The following RYK variants were observed in gnomAD, a reference collection of about 807,000 sequenced individuals.
RYK encodes receptor like tyrosine kinase.
Under a neutral mutation model 70.2 loss-of-function variants are expected in RYK, and 21 were observed. The observed-to-expected ratio is 0.30, with a 90% confidence interval of 0.21 to 0.43. The LOEUF is 0.43. Ranked by LOEUF, RYK falls within the 20% of genes least tolerant of loss-of-function variation. The pLI is 1.00. For synonymous variants in RYK, 267 were observed against 278.0 expected (o/e 0.96, Z 0.39); for missense variants, 604 against 753.3 (o/e 0.80, Z 2.32).
At chr3:134,198,265 A>C (rs966964076) in intron 6 of RYK, among the ~76,000 whole-genome samples, 1 of 152,262 alleles carries the variant, frequency 6.6e-6, no homozygotes, top group Non-Finnish European at 1.5e-5. Context: ...CTTAGAATGA[A>C]GTCAGAACTT....
Position 134,242,000 on chromosome 3 carries a change from T to G in RYK, c.232+8423A>C, listed in dbSNP as rs576345694. 2.0e-4 allele frequency among the ~76,000 whole-genome samples: 31 copies of G among 152,238 alleles called. No individual in the cohort carries two copies. The South Asian group carries it at 6.2e-3, about 31-fold the overall frequency. On this transcript the variant is annotated intron_variant, in intron 1 of 14. Transcript: ENST00000623711. The stretch of plus-strand genomic sequence containing the variant: ...TGTGCTGTCTATTCCAGCTTAAAAT[T>G]TATATAAGAATGAGAATGAGGCCGG...
chr3:134,216,792 C>CAAAAAAAAAAAAAAAAAAAA (rs61441674), intron 2 of RYK, among the ~76,000 whole-genome samples: 1 of 37,420 alleles, frequency 2.7e-5, no homozygotes, highest in African/African-American at 1.0e-4. Flanking sequence ...GACTCTGTCT[C>CAAAAAAAAAAAAAAAAAAAA]AAAAAAAAAA....
chr3:134,219,455 A>G (rs1456479997), intron 2 of RYK, among the ~76,000 whole-genome samples: 3 of 152,230 alleles, frequency 2.0e-5, no homozygotes, highest in Non-Finnish European at 2.9e-5. Flanking sequence ...AAACCTTCTC[A>G]TATCAGCATT....
rs183483385 is a variant in RYK, at chr3:134,180,764, T to C, written c.1172+2238A>G. On this transcript the variant is annotated intron_variant, in intron 10 of 14. Coordinates refer to ENST00000623711, the MANE Select transcript of RYK (RefSeq NM_002958.4). Reference sequence around the variant, plus strand: ...TAATATACTTTCTACATGCTGACAATGTGTTTTATTCATTGTAACTAGGAC... The same window carrying C: ...TAATATACTTTCTACATGCTGACAACGTGTTTTATTCATTGTAACTAGGAC... 8 of 152,330 alleles carry C rather than the reference T, an allele frequency of 5.3e-5. No individual in the cohort carries two copies. The East Asian group carries it at 1.4e-3, about 26-fold the overall frequency. 9.4% of individuals were successfully genotyped at this position (152,330 alleles called of 1,614,324 possible).
chr3:134,229,960 A>C (rs2015013277), intron 1 of RYK, among the ~76,000 whole-genome samples: 1 of 152,202 alleles, frequency 6.6e-6, no homozygotes, highest in Non-Finnish European at 1.5e-5. Context: ...ATGTTCAACT[A>C]CTTTGGAAAA....
intron 9 of RYK, 53 bp from the exon 10 acceptor site, chr3:134,183,124 T>C: frequency 9.4e-7 from 1 of 1,067,884 alleles, no homozygotes; most frequent in Non-Finnish European, 1.4e-6. Context: ...ATATATGGCA[T>C]TAACATTTTC....
chr3:134,245,266 C>A (rs768050620), intron 1 of RYK, among the ~76,000 whole-genome samples: 2 of 152,040 alleles, frequency 1.3e-5, no homozygotes, highest in Non-Finnish European at 2.9e-5. Flanking sequence ...GACTGCCACA[C>A]GTCATCTTCA....
At chr3:134,232,829 C>A (rs2107691221) in intron 1 of RYK, among the ~76,000 whole-genome samples, 2 of 152,270 alleles carry the variant, frequency 1.3e-5, no homozygotes, top group South Asian at 4.1e-4. Context: ...AGTGGGTTCA[C>A]ATATTAATTT....
chr3:134,162,549 C>A (rs2012514570), intron 13 of RYK, among the ~76,000 whole-genome samples: 1 of 152,070 alleles, frequency 6.6e-6, no homozygotes, highest in Admixed American at 6.6e-5. Context: ...TTCCCTTACA[C>A]CTACTGGGAC....
In RYK at chr3:134,195,942, T is replaced by C. The variant is rs182366691; in HGVS notation, c.789-760A>G. On this transcript the variant is annotated intron_variant, in intron 6 of 14. Coordinates refer to ENST00000623711, the MANE Select transcript of RYK (RefSeq NM_002958.4). ...GCCTGGGCGATAAAGTGACAGTCCA[T>C]CTCAAAAAAAAAAAAAGTATCAAAT... Among the ~76,000 whole-genome samples the C allele has an allele frequency of 1.6e-3, 218 of 140,184 alleles. 7 individuals are homozygous for C. In the East Asian group the frequency reaches 0.035, roughly 23 times the overall value. 92.0% of individuals were successfully genotyped at this position (140,184 alleles called of 152,430 possible).
chr3:134,178,223 T>A (rs1332907008), intron 10 of RYK, 150 bp from the exon 11 acceptor site: 1 of 613,426 alleles, frequency 1.6e-6, no homozygotes, highest in African/African-American at 1.9e-5. Flanking sequence ...AAGTGTTCTG[T>A]ATTTTAAACC....
chr3:134,212,463 C>A (rs2014431436), intron 2 of RYK, among the ~76,000 whole-genome samples: 1 of 152,178 alleles, frequency 6.6e-6, no homozygotes, highest in Non-Finnish European at 1.5e-5. Context: ...CTATGGTATC[C>A]CTCTCTCATT....
intron 5 of RYK, among the ~76,000 whole-genome samples, chr3:134,206,119 C>T (rs1291201031): frequency 6.6e-6 from 1 of 151,996 alleles, no homozygotes; most frequent in Non-Finnish European, 1.5e-5. Flanking sequence ...TCTTTCTTTT[C>T]AGAAATATTC....
At chr3:134,211,024 C>T (rs2014377038) in intron 3 of RYK, among the ~76,000 whole-genome samples, 2 of 152,322 alleles carry the variant, frequency 1.3e-5, no homozygotes, top group African/African-American at 4.8e-5. Context: ...TAGTCTGGAA[C>T]TGCTACAACT....
chr3:134,244,362 A>G (rs769405560), intron 1 of RYK, among the ~76,000 whole-genome samples: 1 of 152,158 alleles, frequency 6.6e-6, no homozygotes, highest in Non-Finnish European at 1.5e-5. Context: ...TAAAGACCAC[A>G]AACAAGCACC....
At chr3:134,240,377 C>G (rs185224327) in intron 1 of RYK, among the ~76,000 whole-genome samples, 1 of 151,860 alleles carries the variant, frequency 6.6e-6, no homozygotes, top group East Asian at 1.9e-4. Flanking sequence ...TATTATTATG[C>G]CTTATTTTGA....
At chr3:134,199,733 G>C (rs1560013262) in intron 6 of RYK, among the ~76,000 whole-genome samples, 1 of 152,106 alleles carries the variant, frequency 6.6e-6, no homozygotes, top group Non-Finnish European at 1.5e-5. Context: ...ATTGTTAATA[G>C]GACAGGAAAG....
At chr3:134,226,761 C>G (rs1004945543) in intron 1 of RYK, among the ~76,000 whole-genome samples, 2 of 151,984 alleles carry the variant, frequency 1.3e-5, no homozygotes, top group African/African-American at 2.4e-5. Flanking sequence ...AATTCAAAAC[C>G]TATTAATGAT....
At chr3:134,203,878 A>C (rs1385225728) in intron 5 of RYK, among the ~76,000 whole-genome samples, 1 of 152,258 alleles carries the variant, frequency 6.6e-6, no homozygotes, top group Non-Finnish European at 1.5e-5. Context: ...AAATGTAGTT[A>C]GTAAAACTGA....
Sources: gnomAD v4.1 joint callset for allele counts (sites outside exome capture counted in the v4.1 genomes callset) on GRCh38, gnomAD v4.1.1 for gene constraint, MANE v1.5 for transcripts, NCBI Gene and HGNC (gene_info 2026-07-23, HGNC 2026-07-21) for gene names.